Variants in RAP1A observed in about 807,000 individuals in gnomAD.
The protein encoded by RAP1A is RAP1A, member of RAS oncogene family.
In RAP1A, 6 loss-of-function variants were observed where a neutral mutation model predicts 26.4. That is an observed-to-expected ratio of 0.23 (90% CI 0.12 to 0.45). The LOEUF (loss-of-function observed/expected upper bound fraction) is 0.45, where lower values mean the gene tolerates loss of function less well. Among genes scored for constraint, RAP1A ranks in the 20% least tolerant of loss-of-function variants. The pLI is 0.99. For missense variants in RAP1A, 121 were observed against 217.2 expected, an observed-to-expected ratio of 0.56 and a Z score of 2.78; for synonymous variants, 73 against 79.4, an observed-to-expected ratio of 0.92 and a Z score of 0.43.
chr1:111,702,931 AAAAG>A (rs1198362977), intron 4 of RAP1A, among the ~76,000 whole-genome samples: 2 of 152,228 alleles, frequency 1.3e-5, no homozygotes, highest in African/African-American at 4.8e-5. Flanking sequence ...TGGGAATAGA[AAAAG>A]AAAGATGATA....
chr1:111,679,122 C>T (rs1037207917), intron 1 of RAP1A, among the ~76,000 whole-genome samples: 3 of 152,144 alleles, frequency 2.0e-5, no homozygotes, highest in Non-Finnish European at 2.9e-5. Context: ...GGAACAGCTC[C>T]GGTCTGCAGC....
chr1:111,562,773 T>G (rs547266184), intron 1 of RAP1A, among the ~76,000 whole-genome samples: 5 of 152,244 alleles, frequency 3.3e-5, no homozygotes, highest in Non-Finnish European at 7.3e-5. Context: ...TTCCTCTTGA[T>G]AGGCTGGAAG....
At chr1:111,641,632 TGC>T (rs905977180) in intron 1 of RAP1A, among the ~76,000 whole-genome samples, 4 of 152,084 alleles carry the variant, frequency 2.6e-5, no homozygotes, top group Admixed American at 6.6e-5. Flanking sequence ...AAGGGGTGTG[TGC>T]GTGTGTGTGT....
Position 111,602,814 on chromosome 1 carries a change from A to T in RAP1A, c.-28+60305A>T, listed in dbSNP as rs1415976042. ...CTCAGGAAAATCTACCCCAGTATCT[A>T]CACGTTATGCCCCTTTCCAAAGTTG... is the stretch of plus-strand genomic sequence containing the variant. On this transcript the variant is annotated intron_variant, in intron 1 of 7. Coordinates refer to the RAP1A transcript ENST00000356415. Among the ~76,000 whole-genome samples the T allele has an allele frequency of 4.6e-5, 7 of 152,320 alleles. No homozygotes were observed. In the East Asian group the frequency reaches 5.8e-4, roughly 13 times the overall value.
chr1:111,602,003 G>C (rs914772654), intron 1 of RAP1A, among the ~76,000 whole-genome samples: 1 of 152,188 alleles, frequency 6.6e-6, no homozygotes, highest in African/African-American at 2.4e-5. Context: ...ACAAGCCATA[G>C]GGTTTCTTCC....
intron 2 of RAP1A, among the ~76,000 whole-genome samples, chr1:111,693,927 A>G (rs570952533): frequency 2.9e-3 from 435 of 150,422 alleles, no homozygotes; most frequent in African/African-American, 1.0e-2. Flanking sequence ...TTGAATCAGC[A>G]TCTTGCCCTG....
chr1:111,626,335 A>G (rs1659395112), intron 1 of RAP1A, among the ~76,000 whole-genome samples: 2 of 151,360 alleles, frequency 1.3e-5, no homozygotes. Context: ...TCCAAGACTT[A>G]TTTTTTGTAA....
At chr1:111,685,531 C>T (rs2101223063) in intron 1 of RAP1A, among the ~76,000 whole-genome samples, 1 of 152,248 alleles carries the variant, frequency 6.6e-6, no homozygotes, top group South Asian at 2.1e-4. Context: ...AAAAGCTGAT[C>T]ATCACTGGTC....
chr1:111,712,560 A>G lies in RAP1A; in HGVS notation c.*159A>G, dbSNP rs180778007. 3.9e-5 allele frequency: 6 copies of G among 152,640 alleles called. No individual in the cohort carries two copies. Among genetic ancestry groups the G allele is most frequent in the Admixed American group, 3.9e-4 (6 of 15,294 alleles). 9.5% of individuals were successfully genotyped at this position (152,640 alleles called of 1,614,324 possible). On this transcript the variant is annotated 3_prime_UTR_variant, in exon 8 of 8. Coordinates refer to ENST00000369709, the MANE Select transcript of RAP1A (RefSeq NM_002884.4). ...GAATTTAGATCTTATATTGGTTTGC[A>G]CAAGTTCCCTGGAGAAAAAAATTGC...
At chr1:111,574,864 T>C (rs1658114316) in intron 1 of RAP1A, among the ~76,000 whole-genome samples, 3 of 152,242 alleles carry the variant, frequency 2.0e-5, no homozygotes, top group Admixed American at 1.3e-4. Context: ...TTTTTGAATT[T>C]GGCAAGAAAT....
At chr1:111,635,786 G>A (rs1659710370) in intron 1 of RAP1A, among the ~76,000 whole-genome samples, 1 of 151,832 alleles carries the variant, frequency 6.6e-6, no homozygotes, top group Non-Finnish European at 1.5e-5. Context: ...GGCTGGTCTT[G>A]AACTCCTGAC....
rs1035662906 is a variant in RAP1A, at chr1:111,716,653, C to G, written c.*4252C>G. Reference sequence around the variant, plus strand: ...TCAAGAAGCAAGAGATTGGCTGTTCCTCTTGAGGAAAAACCTTAATAAACC... The same window carrying G: ...TCAAGAAGCAAGAGATTGGCTGTTCGTCTTGAGGAAAAACCTTAATAAACC... On this transcript the variant is annotated 3_prime_UTR_variant, in exon 8 of 8. Coordinates refer to ENST00000369709, the MANE Select transcript of RAP1A (RefSeq NM_002884.4). The G allele has an allele frequency of 2.0e-5, 3 of 152,206 alleles. No individual in the cohort carries two copies. The highest frequency in any genetic ancestry group is 7.2e-5 in the African/African-American group (3 of 41,446). The allele number at this position is 152,206 out of a possible 1,614,324, so 9.4% of individuals were successfully genotyped here.
chr1:111,674,851 T>A (rs1661075862), intron 1 of RAP1A, among the ~76,000 whole-genome samples: 1 of 152,226 alleles, frequency 6.6e-6, no homozygotes, highest in Admixed American at 6.5e-5. Flanking sequence ...TCACTCGAGT[T>A]ACTGCAGTAG....
At chr1:111,659,064 C>G (rs1192269549) in intron 1 of RAP1A, among the ~76,000 whole-genome samples, 4 of 151,868 alleles carry the variant, frequency 2.6e-5, no homozygotes, top group Non-Finnish European at 5.9e-5. Flanking sequence ...TGTTAACTTT[C>G]TTTTTATTAG....
At chr1:111,657,375 T>C (rs527606230) in intron 1 of RAP1A, among the ~76,000 whole-genome samples, 1 of 152,352 alleles carries the variant, frequency 6.6e-6, no homozygotes, top group South Asian at 2.1e-4. Context: ...CCATTCCCAA[T>C]AGATCTCATT....
At chr1:111,656,610 A>G (rs947521964) in intron 1 of RAP1A, among the ~76,000 whole-genome samples, 1 of 152,118 alleles carries the variant, frequency 6.6e-6, no homozygotes, top group African/African-American at 2.4e-5. Context: ...CCAGTGGTCA[A>G]GTTCTCAGTC....
chr1:111,560,736 C>G (rs767538750), intron 1 of RAP1A, among the ~76,000 whole-genome samples: 9 of 152,144 alleles, frequency 5.9e-5, no homozygotes, highest in Non-Finnish European at 8.8e-5. Flanking sequence ...AAGTAATGCT[C>G]CAGCCGCAGC....
At chr1:111,666,280 A>G (rs957196292) in intron 1 of RAP1A, among the ~76,000 whole-genome samples, 1 of 152,204 alleles carries the variant, frequency 6.6e-6, no homozygotes, top group African/African-American at 2.4e-5. Flanking sequence ...ATTCAGAATG[A>G]TGACTCTTCT....
chr1:111,695,437 C>A, intron 3 of RAP1A, 28 bp downstream of exon 3: 1 of 1,428,274 alleles, frequency 7.0e-7, no homozygotes, highest in Non-Finnish European at 9.4e-7. Context: ...TACACACATG[C>A]TTACAAGTAG....
Sources: allele counts gnomAD v4.1 joint callset (sites outside exome capture counted in the v4.1 genomes callset), GRCh38; gene constraint gnomAD v4.1.1; transcripts MANE v1.5; gene names NCBI Gene and HGNC (gene_info 2026-07-23, HGNC 2026-07-21).